Variants in ARHGAP35 observed in about 807,000 individuals in gnomAD.
The protein encoded by ARHGAP35 is Rho GTPase activating protein 35.
In ARHGAP35, 15 loss-of-function variants were observed where a neutral mutation model predicts 111.1. The ratio of observed to expected loss-of-function variants is 0.13; its 90% CI spans 0.09 to 0.21. The LOEUF (loss-of-function observed/expected upper bound fraction) is 0.21, where lower values mean the gene tolerates loss of function less well. ARHGAP35 is among the 10% of genes least tolerant of loss of function. The probability of loss-of-function intolerance (pLI) is 1.00; values close to 1 mark genes in which losing one functional copy is unlikely to be tolerated. For synonymous variants in ARHGAP35, 643 were observed against 710.3 expected, an observed-to-expected ratio of 0.91 and a Z score of 1.51; for missense variants, 1,262 against 1,873.0, an observed-to-expected ratio of 0.67 and a Z score of 6.02.
chr19:46,879,949 G>A (rs1240791580), intron 1 of ARHGAP35, among the ~76,000 whole-genome samples: 2 of 151,902 alleles, frequency 1.3e-5, no homozygotes, highest in Non-Finnish European at 2.9e-5. Context: ...AGCCAGGCAT[G>A]GTGGTATATG....
intron 1 of ARHGAP35, among the ~76,000 whole-genome samples, chr19:46,892,282 G>A (rs78711450): frequency 0.035 from 5,089 of 145,544 alleles, 158 homozygotes; most frequent in East Asian, 0.16. Flanking sequence ...TAGCCTGGGC[G>A]ACAGAGCGAG....
chr19:46,942,815 C>CA (rs1241909711), intron 3 of ARHGAP35, among the ~76,000 whole-genome samples: 15,393 of 40,388 alleles, frequency 0.38, 1,879 homozygotes, highest in Middle Eastern at 0.48. Context: ...GACCCTGTCT[C>CA]AGAAAAAAAA....
intron 2 of ARHGAP35, among the ~76,000 whole-genome samples, chr19:46,927,967 T>G (rs1426523461): frequency 6.6e-6 from 1 of 152,178 alleles, no homozygotes; most frequent in African/African-American, 2.4e-5. Flanking sequence ...AGATCTTTGA[T>G]TATCTGAAAA....
chr19:46,923,102 CTTTT>C (rs397976247), intron 2 of ARHGAP35, among the ~76,000 whole-genome samples: 1 of 123,656 alleles, frequency 8.1e-6, no homozygotes, highest in African/African-American at 3.2e-5. Context: ...AATGAAGTCT[CTTTT>C]TTTTTTTTTT....
In ARHGAP35 at chr19:46,909,099, A is replaced by G. The variant is rs562078293; in HGVS notation, c.-188-9389A>G. Reference sequence around the variant, plus strand: ...AGGATCGCTTGAGCACAGAAGTTCAAGACCACCCTGGGTAACATAGTGAGA... The same window carrying G: ...AGGATCGCTTGAGCACAGAAGTTCAGGACCACCCTGGGTAACATAGTGAGA... On this transcript the variant is annotated intron_variant, in intron 1 of 6. Transcript: ENST00000672722. Among the ~76,000 whole-genome samples, 3 of 152,316 alleles carry G rather than the reference A, an allele frequency of 2.0e-5. No individual in the cohort carries two copies. In the East Asian group the frequency reaches 5.8e-4, roughly 29 times the overall value.
intron 3 of ARHGAP35, among the ~76,000 whole-genome samples, chr19:46,969,902 A>G (rs1323910630): frequency 6.6e-6 from 1 of 152,134 alleles, no homozygotes; most frequent in Non-Finnish European, 1.5e-5. Flanking sequence ...AGGCAGCAGC[A>G]CCAGGAGAGC....
Position 46,933,248 on chromosome 19 carries a change from A to G in ARHGAP35, c.3682-4016A>G, listed in dbSNP as rs539773878. The stretch of plus-strand genomic sequence containing the variant: ...AGCCTTCACCTCCCCAGCTCAAGCA[A>G]TCCTCCCACTGCAGCCTCTCGAGTT... On this transcript the variant is annotated intron_variant, in intron 2 of 6. Coordinates refer to ENST00000672722, the MANE Select transcript of ARHGAP35 (RefSeq NM_004491.5). 2.6e-5 allele frequency among the ~76,000 whole-genome samples: 4 copies of G among 151,160 alleles called. No individual in the cohort carries two copies. The East Asian group carries it at 5.9e-4, about 22-fold the overall frequency.
intron 3 of ARHGAP35, among the ~76,000 whole-genome samples, chr19:46,985,987 C>CGGAA (rs1242625346): frequency 6.6e-6 from 1 of 152,196 alleles, no homozygotes; most frequent in Non-Finnish European, 1.5e-5. Context: ...ACGTGGCTCT[C>CGGAA]GGAAGCCTGA....
intron 3 of ARHGAP35, among the ~76,000 whole-genome samples, chr19:46,958,634 T>C (rs1318331079): frequency 2.0e-5 from 3 of 152,220 alleles, no homozygotes; most frequent in Non-Finnish European, 4.4e-5. Flanking sequence ...ACCTCGTTGA[T>C]TGACCGCTTC....
chr19:46,973,560 G>C (rs2056563358), intron 3 of ARHGAP35, among the ~76,000 whole-genome samples: 2 of 151,668 alleles, frequency 1.3e-5, no homozygotes, highest in African/African-American at 4.8e-5. Flanking sequence ...TGTGGTGGCG[G>C]GGCGCCTGTA....
intron 3 of ARHGAP35, among the ~76,000 whole-genome samples, chr19:46,961,954 AAAAGAGAGAAAGAG>A (rs1049755130): frequency 4.0e-5 from 6 of 151,862 alleles, no homozygotes; most frequent in African/African-American, 1.2e-4. Flanking sequence ...GAAAGAAAGA[AAAAGAGAGAAAGAG>A]AAAGAGAGAA....
chr19:46,953,484 T>TA (rs2056423471), intron 3 of ARHGAP35, among the ~76,000 whole-genome samples: 1 of 152,008 alleles, frequency 6.6e-6, no homozygotes, highest in Non-Finnish European at 1.5e-5. Flanking sequence ...CTGAGTGAGG[T>TA]AAGAAGCCAT....
intron 3 of ARHGAP35, among the ~76,000 whole-genome samples, chr19:46,949,894 T>C (rs2056402160): frequency 6.6e-6 from 1 of 152,206 alleles, no homozygotes; most frequent in African/African-American, 2.4e-5. Context: ...GAAATCCCAA[T>C]GGGACGTTTC....
chr19:46,906,491 C>T (rs528562939), intron 1 of ARHGAP35, among the ~76,000 whole-genome samples: 229 of 152,294 alleles, frequency 1.5e-3, no homozygotes, highest in African/African-American at 5.2e-3. Flanking sequence ...GACATGACCC[C>T]AGGCAGGGGC....
At chr19:46,982,342 T>C (rs997128943) in intron 3 of ARHGAP35, among the ~76,000 whole-genome samples, 1 of 152,160 alleles carries the variant, frequency 6.6e-6, no homozygotes, top group South Asian at 2.1e-4. Context: ...CCAGGTGCAG[T>C]GGCAGGCGCC....
At chr19:46,878,601 G>A (rs1325663089) in intron 1 of ARHGAP35, among the ~76,000 whole-genome samples, 1 of 152,122 alleles carries the variant, frequency 6.6e-6, no homozygotes, top group Admixed American at 6.6e-5. Flanking sequence ...TTATAGGCCG[G>A]AGCCACTGTG....
chr19:46,974,864 T>G (rs1041845814), intron 3 of ARHGAP35, among the ~76,000 whole-genome samples: 2 of 152,024 alleles, frequency 1.3e-5, no homozygotes, highest in Non-Finnish European at 2.9e-5. Flanking sequence ...AAACTCAGGT[T>G]TGGTTGGAAG....
At chr19:46,865,796 G>A (rs890266328) in intron 1 of ARHGAP35, among the ~76,000 whole-genome samples, 11 of 152,198 alleles carry the variant, frequency 7.2e-5, no homozygotes, top group African/African-American at 2.7e-4. Context: ...TGTGACTTTT[G>A]TCGGTCACCA....
chr19:46,996,963 G>A (rs985850826), intron 5 of ARHGAP35, among the ~76,000 whole-genome samples: 1 of 152,166 alleles, frequency 6.6e-6, no homozygotes. Flanking sequence ...TTCCAGACCA[G>A]CCTGGACAAC....
Sources: gnomAD v4.1 joint callset for allele counts (sites outside exome capture counted in the v4.1 genomes callset) on GRCh38, gnomAD v4.1.1 for gene constraint, MANE v1.5 for transcripts, NCBI Gene and HGNC (gene_info 2026-07-23, HGNC 2026-07-21) for gene names.